The following EFR3A variants were observed in gnomAD, a reference collection of about 807,000 sequenced individuals.
EFR3A encodes protein EFR3 homolog A.
In EFR3A, 76 loss-of-function variants were observed where a neutral mutation model predicts 104.4. The ratio of observed to expected loss-of-function variants is 0.73; its 90% CI spans 0.60 to 0.88. The LOEUF is 0.88. EFR3A is among the 40% of genes least tolerant of loss of function. EFR3A has a pLI of 0.00. For synonymous variants in EFR3A, 330 were observed against 330.0 expected, an observed-to-expected ratio of 1.00 and a Z score of 0.00; for missense variants, 985 against 1,012.5, an observed-to-expected ratio of 0.97 and a Z score of 0.37.
intron 5 of EFR3A, among the ~76,000 whole-genome samples, chr8:131,952,321 G>A (rs1297558495): frequency 3.3e-5 from 5 of 152,086 alleles, no homozygotes; most frequent in African/African-American, 9.7e-5. Flanking sequence ...TTTTACTGAT[G>A]GGAAACTGTA....
chr8:131,915,886 T>C (rs1816721224), intron 1 of EFR3A, among the ~76,000 whole-genome samples: 1 of 152,220 alleles, frequency 6.6e-6, no homozygotes, highest in Non-Finnish European at 1.5e-5. Context: ...ATTTATTGAA[T>C]GCTATGTGTC....
At chr8:131,965,178 A>T (rs1290761110) in intron 8 of EFR3A, among the ~76,000 whole-genome samples, 1 of 152,158 alleles carries the variant, frequency 6.6e-6, no homozygotes, top group Non-Finnish European at 1.5e-5. Flanking sequence ...TGTCTAAAAC[A>T]CCAAAAGCAA....
At chr8:132,008,655 A>G (rs1162873370) in intron 22 of EFR3A, among the ~76,000 whole-genome samples, 1 of 151,830 alleles carries the variant, frequency 6.6e-6, no homozygotes, top group Admixed American at 6.6e-5. Flanking sequence ...AGATCAGAAC[A>G]TAGTTGTTGC....
At chr8:131,995,339 A>G (rs1821419658) in intron 18 of EFR3A, among the ~76,000 whole-genome samples, 1 of 152,124 alleles carries the variant, frequency 6.6e-6, no homozygotes, top group Admixed American at 6.6e-5. Flanking sequence ...ATATTTTCCT[A>G]CCATCCTGTA....
intron 1 of EFR3A, among the ~76,000 whole-genome samples, chr8:131,923,236 T>G (rs1321875676): frequency 6.6e-6 from 1 of 152,154 alleles, no homozygotes; most frequent in Non-Finnish European, 1.5e-5. Context: ...CTTTACTGTT[T>G]AAAATATGTT....
chr8:131,959,514 A>G, intron 7 of EFR3A, 71 bp from the exon 8 acceptor site: 3 of 1,234,668 alleles, frequency 2.4e-6, no homozygotes, highest in African/African-American at 1.5e-5. Flanking sequence ...AGCTTTTCCT[A>G]TTGTTGAGGT....
Position 131,979,365 on chromosome 8 carries a change from G to A in EFR3A, c.1519G>A (p.Asp507Asn). 1 of 1,566,518 alleles carries A rather than the reference G, an allele frequency of 6.4e-7. No homozygotes were observed. Among genetic ancestry groups the A allele is most frequent in the Non-Finnish European group, 8.7e-7 (1 of 1,154,036 alleles). Reference protein sequence around the residue: ...RGIRIIPDVADLKIKREKICR... With the variant: ...RGIRIIPDVANLKIKREKICR... ...CTCTAGAATAATACCGGATGTAGCT[G>A]ACCTAAAGATAAAAAGAGAAAAAAT... Residue 507 changes from aspartate to asparagine, a missense_variant, in exon 14 of 23, where the codon GAC (aspartate) becomes AAC (asparagine). Asp to Asn is a conservative substitution (Grantham distance 23). Transcript: ENST00000254624.
At chr8:131,987,733 TG>T (rs1165773848) in intron 18 of EFR3A, 31 bp downstream of exon 18, 4 of 1,553,806 alleles carry the variant, frequency 2.6e-6, no homozygotes, top group Non-Finnish European at 3.5e-6. Context: ...ACTTTCACTC[TG>T]GTGATTGCTT....
intron 7 of EFR3A, among the ~76,000 whole-genome samples, chr8:131,959,010 T>C (rs1461319183): frequency 3.3e-5 from 5 of 152,108 alleles, no homozygotes; most frequent in Admixed American, 2.0e-4. Context: ...GAAAATGAAG[T>C]CAGAATTCAA....
At chr8:131,999,107 T>C (rs1373489882) in intron 19 of EFR3A, among the ~76,000 whole-genome samples, 1 of 152,098 alleles carries the variant, frequency 6.6e-6, no homozygotes. Flanking sequence ...TAAAAGCTTA[T>C]AGTAAGTGCT....
intron 1 of EFR3A, among the ~76,000 whole-genome samples, chr8:131,930,131 A>G (rs1357454000): frequency 6.6e-6 from 1 of 152,176 alleles, no homozygotes; most frequent in Non-Finnish European, 1.5e-5. Context: ...CAGACTGCAC[A>G]TCTGAAGGAG....
intron 5 of EFR3A, among the ~76,000 whole-genome samples, chr8:131,951,591 T>C (rs1201279501): frequency 3.3e-5 from 5 of 152,118 alleles, no homozygotes; most frequent in Non-Finnish European, 7.4e-5. Context: ...ATCTGGAATG[T>C]AGTACGTTTT....
At chr8:131,951,371 A>T (rs1397014254) in intron 5 of EFR3A, among the ~76,000 whole-genome samples, 1 of 152,116 alleles carries the variant, frequency 6.6e-6, no homozygotes, top group African/African-American at 2.4e-5. Flanking sequence ...TAATTACCTT[A>T]CAATAATTAG....
intron 18 of EFR3A, among the ~76,000 whole-genome samples, chr8:131,992,646 C>A (rs1821250341): frequency 2.6e-5 from 4 of 152,044 alleles, no homozygotes; most frequent in Admixed American, 2.0e-4. Context: ...TTTAAGGAAG[C>A]GATGTGATGT....
At chr8:131,967,004 C>A (rs1261260570) in intron 8 of EFR3A, among the ~76,000 whole-genome samples, 1 of 152,018 alleles carries the variant, frequency 6.6e-6, no homozygotes, top group Non-Finnish European at 1.5e-5. Context: ...ATTGATAATA[C>A]CTCCTTCACT....
intron 9 of EFR3A, 125 bp from the exon 10 acceptor site, chr8:131,970,351 T>C (rs1819979220): frequency 1.1e-6 from 1 of 888,660 alleles, no homozygotes; most frequent in Non-Finnish European, 1.7e-6. Context: ...AAATAGTTTA[T>C]AAATTACTAT....
chr8:131,985,215 G>C (rs999904544), intron 16 of EFR3A, among the ~76,000 whole-genome samples, 155 bp downstream of exon 16: 1 of 152,090 alleles, frequency 6.6e-6, no homozygotes, highest in Non-Finnish European at 1.5e-5. Flanking sequence ...AGCTAAAACT[G>C]TAGCTACTGT....
rs1586626901 is a variant in EFR3A at position 131,970,502 on chromosome 8, AC to A, written c.1021del (p.Leu341PhefsTer2). The A allele has an allele frequency of 6.2e-7, 1 of 1,613,878 alleles. No homozygotes were observed. The highest frequency in any genetic ancestry group is 8.5e-7 in the Non-Finnish European group (1 of 1,179,810). On this transcript the variant is annotated frameshift_variant, in exon 10 of 23. Transcript: ENST00000254624. LOFTEE classifies it high-confidence loss of function. The stretch of plus-strand genomic sequence containing the variant: ...TCCGACAGTGCTGGAAGTCTTCAAT[AC>A]CCTTTTGAAACATCTGCGTCTCAGC... ...IGPTVLEVFN[T>X]LLKHLRLSVE... is the part of the protein sequence containing the mutation.
chr8:131,983,188 C>G (rs550105885), intron 14 of EFR3A, among the ~76,000 whole-genome samples: 1 of 152,186 alleles, frequency 6.6e-6, no homozygotes, highest in Admixed American at 6.6e-5. Context: ...GAATATTAAG[C>G]CTAAAGTCTC....
Sources: allele counts gnomAD v4.1 joint callset (sites outside exome capture counted in the v4.1 genomes callset), GRCh38; gene constraint gnomAD v4.1.1; transcripts MANE v1.5; gene names NCBI Gene and HGNC (gene_info 2026-07-23, HGNC 2026-07-21).